ACP6: variants seen among roughly 807,000 people sequenced by gnomAD.
The protein encoded by ACP6 is acid phosphatase 6, lysophosphatidic.
ACP6 carries 48 observed loss-of-function variants against 48.1 expected under a neutral mutation model. The ratio of observed to expected loss-of-function variants is 1.00; its 90% confidence interval spans 0.79 to 1.27. The LOEUF (loss-of-function observed/expected upper bound fraction) is 1.27, where lower values mean the gene tolerates loss of function less well. Ranked by LOEUF, ACP6 falls within the 50% of genes most tolerant of loss-of-function variation. The pLI is 0.00. For missense variants in ACP6, 485 were observed against 529.1 expected (o/e 0.92, Z 0.82); for synonymous variants, 172 against 204.2 (o/e 0.84, Z 1.34).
intron 1 of ACP6, among the ~76,000 whole-genome samples, chr1:147,668,845 T>C (rs1660934505): frequency 6.6e-6 from 1 of 152,156 alleles, no homozygotes; most frequent in African/African-American, 2.4e-5. Context: ...CCTTGAAAAA[T>C]GGGTTTCCAG....
intron 4 of ACP6, among the ~76,000 whole-genome samples, chr1:147,655,522 C>T (rs1247497169): frequency 6.6e-6 from 1 of 152,344 alleles, no homozygotes; most frequent in Non-Finnish European, 1.5e-5. Flanking sequence ...TAGACTAGAG[C>T]AGGTAATAGA....
downstream of ACP6, among the ~76,000 whole-genome samples, chr1:147,641,117 G>T (rs1659437853): frequency 6.6e-6 from 1 of 152,042 alleles, no homozygotes; most frequent in Admixed American, 6.5e-5. Context: ...AGCCCGCCCA[G>T]CCTCCTCTGC....
chr1:147,648,358 G>A lies in ACP6; in HGVS notation c.1031C>T (p.Thr344Ile). 1 of 1,614,158 alleles carries A rather than the reference G, an allele frequency of 6.2e-7. No homozygotes were observed. Among genetic ancestry groups the A allele is most frequent in the Non-Finnish European group, 8.5e-7 (1 of 1,180,014 alleles). Residue 344 changes from threonine to isoleucine, a missense_variant, in exon 9 of 10, where the codon ACC becomes ATC. Thr to Ile is a moderately conservative substitution (Grantham distance 89). Transcript: ENST00000583509. Reference sequence around the variant, plus strand: ...CCATTTGTGGTCAAAAATCCCCAGGGTCATTAAGAGCGGTATGAAGGTCAC... The same window carrying A: ...CCATTTGTGGTCAAAAATCCCCAGGATCATTAAGAGCGGTATGAAGGTCAC... Reference protein sequence around the residue: ...HDVTFIPLLMTLGIFDHKWPP... With the variant: ...HDVTFIPLLMILGIFDHKWPP...
Position 147,654,214 on chromosome 1 carries a change from C to T in ACP6, c.760G>A (p.Asp254Asn), listed in dbSNP as rs781810026. The T allele has an allele frequency of 1.9e-6, 3 of 1,614,148 alleles. No individual in the cohort carries two copies. The highest frequency in any genetic ancestry group is 3.3e-5 in the Admixed American group (2 of 60,012). ...SDKVDFFILL[D>N]NVAAEQAHNL... ...CTCACCTGCTCGGCAGCCACGTTGTCCAGGAGGATGAAGAAGTCCACTTTA... is the reference window on the plus strand; with the variant it reads ...CTCACCTGCTCGGCAGCCACGTTGTTCAGGAGGATGAAGAAGTCCACTTTA... The change falls in exon 6 of 10, where the codon GAC becomes AAC. Residue 254 changes from aspartate (D) to asparagine (N), a missense_variant. Coordinates refer to ENST00000583509, the MANE Select transcript of ACP6 (RefSeq NM_016361.5).
chr1:147,661,180 C>G (rs1430407297), intron 1 of ACP6, among the ~76,000 whole-genome samples: 1 of 152,162 alleles, frequency 6.6e-6, no homozygotes, highest in Non-Finnish European at 1.5e-5. Context: ...GTTGCCCAGG[C>G]TGGAGTACAG....
intron 1 of ACP6, among the ~76,000 whole-genome samples, chr1:147,662,997 A>T (rs1452165206): frequency 6.6e-6 from 1 of 152,220 alleles, no homozygotes; most frequent in East Asian, 1.9e-4. Flanking sequence ...AAAGATCATG[A>T]CTCACTGAAG....
At chr1:147,660,364 TG>T (rs1285845705) in intron 1 of ACP6, among the ~76,000 whole-genome samples, 1 of 152,236 alleles carries the variant, frequency 6.6e-6, no homozygotes, top group Non-Finnish European at 1.5e-5. Context: ...ACATCACTAG[TG>T]GCCACAGGTC....
chr1:147,667,195 A>G (rs1419475120), intron 1 of ACP6, among the ~76,000 whole-genome samples: 1 of 139,468 alleles, frequency 7.2e-6, no homozygotes, highest in South Asian at 2.4e-4. Context: ...AAGCCATAAG[A>G]AAACAACCCA....
exon 6 of ACP6, chr1:147,630,487 T>A (rs1659137126): frequency 6.6e-6 from 1 of 152,238 alleles, no homozygotes; most frequent in African/African-American, 2.4e-5. Context: ...GTTTCTCATC[T>A]TTACCAAGCT....
At chr1:147,650,264 C>T in intron 7 of ACP6, 26 bp from the exon 8 acceptor site, 1 of 1,545,126 alleles carries the variant, frequency 6.5e-7, no homozygotes, top group African/African-American at 1.4e-5. Context: ...AACATTTAAG[C>T]ACCTAGAGGG....
intron 1 of ACP6, 22 bp downstream of exon 1, chr1:147,669,808 C>A: frequency 6.5e-7 from 1 of 1,549,562 alleles, no homozygotes; most frequent in East Asian, 2.4e-5. Flanking sequence ...CCCACCAGCC[C>A]CAGCCCGGGC....
chr1:147,637,801 T>C (rs1659337101), downstream of ACP6, among the ~76,000 whole-genome samples: 2 of 152,222 alleles, frequency 1.3e-5, no homozygotes, highest in South Asian at 4.1e-4. Flanking sequence ...AAAACTGATA[T>C]CAGCACAAAC....
At chr1:147,658,151 A>G (rs1342582925) in intron 4 of ACP6, among the ~76,000 whole-genome samples, 1 of 152,210 alleles carries the variant, frequency 6.6e-6, no homozygotes, top group Admixed American at 6.5e-5. Flanking sequence ...GCAGTATCCA[A>G]CCCAGTTGAG....
At chr1:147,660,603 C>T (rs912775960) in intron 1 of ACP6, among the ~76,000 whole-genome samples, 1 of 152,200 alleles carries the variant, frequency 6.6e-6, no homozygotes, top group Non-Finnish European at 1.5e-5. Flanking sequence ...AGAAAAGTCC[C>T]TCCCAATGGT....
chr1:147,654,900 C>A (rs1055085302), intron 5 of ACP6, among the ~76,000 whole-genome samples: 1 of 152,222 alleles, frequency 6.6e-6, no homozygotes, highest in Non-Finnish European at 1.5e-5. Context: ...AAGGCCCACT[C>A]GTGGCTGTAT....
chr1:147,641,533 G>A (rs1570941762), downstream of ACP6, among the ~76,000 whole-genome samples: 1 of 152,190 alleles, frequency 6.6e-6, no homozygotes. Context: ...GCTCTCCTCC[G>A]TCCTGGGAAG....
intron 4 of ACP6, among the ~76,000 whole-genome samples, chr1:147,657,199 AT>A: frequency 6.7e-6 from 1 of 149,900 alleles, no homozygotes; most frequent in South Asian, 2.1e-4. Context: ...TGGTGTCTGG[AT>A]TTTGGACCCA....
chr1:147,651,024 C>G (rs1659891191), intron 7 of ACP6: 1 of 151,674 alleles, frequency 6.6e-6, no homozygotes, highest in African/African-American at 2.4e-5. Flanking sequence ...TTCCCAGAAC[C>G]CAGCCACTGA....
intron 1 of ACP6, among the ~76,000 whole-genome samples, chr1:147,668,478 T>C (rs1660915615): frequency 6.6e-6 from 1 of 152,048 alleles, no homozygotes; most frequent in African/African-American, 2.4e-5. Flanking sequence ...AGTTTTACTC[T>C]CCATTACCAC....
Sources: gnomAD v4.1 joint callset for allele counts (sites outside exome capture counted in the v4.1 genomes callset) on GRCh38, gnomAD v4.1.1 for gene constraint, MANE v1.5 for transcripts, NCBI Gene and HGNC (gene_info 2026-07-23, HGNC 2026-07-21) for gene names.